ETV3L: variants seen among roughly 807,000 people sequenced by gnomAD.
ETV3L encodes ETS translocation variant 3-like protein.
A neutral mutation model predicts 27.6 loss-of-function variants in ETV3L; 30 were observed. The ratio of observed to expected loss-of-function variants is 1.09; its 90% CI spans 0.81 to 1.48. The LOEUF is 1.48. ETV3L is among the 40% of genes most tolerant of loss of function. The probability of loss-of-function intolerance (pLI) is 0.00; values close to 1 mark genes in which losing one functional copy is unlikely to be tolerated. For missense variants in ETV3L, 443 were observed against 455.6 expected, an observed-to-expected ratio of 0.97 and a Z score of 0.25; for synonymous variants, 186 against 188.9, an observed-to-expected ratio of 0.98 and a Z score of 0.12.
chr1:157,098,933 A>G (rs770638515), intron 2 of ETV3L, 38 bp from the exon 3 acceptor site: 5 of 1,579,392 alleles, frequency 3.2e-6, no homozygotes, highest in Non-Finnish European at 3.5e-6. Context: ...TTGGCCCAGC[A>G]GTCAGAGAAT....
intron 4 of ETV3L, among the ~76,000 whole-genome samples, chr1:157,096,226 T>G (rs575120292): frequency 4.6e-5 from 7 of 152,178 alleles, no homozygotes; most frequent in Non-Finnish European, 1.0e-4. Flanking sequence ...GTCAAGGAAG[T>G]CTTCCCTGAT....
In ETV3L at chr1:157,093,144, A is replaced by G; in HGVS notation, c.608-17T>C. On this transcript the variant is annotated splice_polypyrimidine_tract_variant and intron_variant, in intron 4 of 4. Coordinates refer to ENST00000454449, the MANE Select transcript of ETV3L (RefSeq NM_001004341.2). ...AGCCAAGTCCTAGAGAAAGAAAGAG[A>G]GAAAGGGTCAAGGGAGCCCAACCTC... The G allele has an allele frequency of 1.4e-6, 2 of 1,436,980 alleles. No homozygotes were observed. The highest frequency in any genetic ancestry group is 1.5e-5 in the South Asian group (1 of 65,930). 89.0% of individuals were successfully genotyped at this position (1,436,980 alleles called of 1,614,324 possible).
chr1:157,099,533 C>T lies in ETV3L; in HGVS notation c.-10G>A, dbSNP rs370224118. 206 of 1,604,828 alleles carry T rather than the reference C, an allele frequency of 1.3e-4. No individual in the cohort carries two copies. The highest frequency in any genetic ancestry group is 1.5e-4 in the Non-Finnish European group (175 of 1,175,868). On this transcript the variant is annotated 5_prime_UTR_variant, in exon 1 of 5. Transcript: ENST00000454449. ...AGCAGCTGCAGTGCATGGTCCACTC[C>T]GGCGAGATGGGCTGTGTCTGGGCCT...
At chr1:157,097,702 C>A (rs1452705722) in intron 4 of ETV3L, among the ~76,000 whole-genome samples, 166 bp downstream of exon 4, 1 of 152,172 alleles carries the variant, frequency 6.6e-6, no homozygotes, top group Non-Finnish European at 1.5e-5. Context: ...CATCTCTGAA[C>A]CCCCGCACTT....
In ETV3L at chr1:157,093,137, G is replaced by C. The variant is rs1007941312; in HGVS notation, c.608-10C>G. The C allele has an allele frequency of 3.5e-6, 5 of 1,440,002 alleles. No homozygotes were observed. The highest frequency in any genetic ancestry group is 5.8e-5 in the Admixed American group (2 of 34,586). The allele number at this position is 1,440,002 out of a possible 1,614,324, so 89.2% of individuals were successfully genotyped here. ...GGGGCAGAGCCAAGTCCTAGAGAAAGAAAGAGAGAAAGGGTCAAGGGAGCC... is the reference window on the plus strand; with the variant it reads ...GGGGCAGAGCCAAGTCCTAGAGAAACAAAGAGAGAAAGGGTCAAGGGAGCC... On this transcript the variant is annotated splice_polypyrimidine_tract_variant and intron_variant, in intron 4 of 4. Transcript: ENST00000454449.
rs1674306446 is a variant in ETV3L, at chr1:157,099,746, C to G, written c.-223G>C. ...AGGGAACCAGAGGCAGCAAGCTTCCCCATACCCAGACAGGGCCCAGCCCCC... is the reference window on the plus strand; with the variant it reads ...AGGGAACCAGAGGCAGCAAGCTTCCGCATACCCAGACAGGGCCCAGCCCCC... On this transcript the variant is annotated 5_prime_UTR_variant, in exon 1 of 5. Coordinates refer to ENST00000454449, the MANE Select transcript of ETV3L (RefSeq NM_001004341.2). 2 of 601,284 alleles carry G rather than the reference C, an allele frequency of 3.3e-6. No homozygotes were observed. Among genetic ancestry groups the G allele is most frequent in the African/African-American group, 1.9e-5 (1 of 53,890 alleles). The allele number at this position is 601,284 out of a possible 1,614,324, so 37.2% of individuals were successfully genotyped here.
At position 157,098,785 on chromosome 1, in the gene ETV3L, G is replaced by A. The variant is rs765556753; in HGVS notation, c.407C>T (p.Ala136Val). ...CAGCAGCAAGTGGGGGGATGGCGGCGCCCGCACTTCCCACAAAGGATAGTT... is the reference window on the plus strand; with the variant it reads ...CAGCAGCAAGTGGGGGGATGGCGGCACCCGCACTTCCCACAAAGGATAGTT... The part of the protein sequence containing the change: ...VVNYPLWEVR[A>V]PPSPHLLLGA... Residue 136 changes from alanine to valine, a missense_variant, in exon 3 of 5, where the codon GCG (alanine) becomes GTG (valine). Coordinates refer to ENST00000454449, the MANE Select transcript of ETV3L (RefSeq NM_001004341.2). 1.4e-5 allele frequency: 23 copies of A among 1,614,068 alleles called. No individual in the cohort carries two copies. In the South Asian group the frequency reaches 1.5e-4, roughly 11 times the overall value.
intron 4 of ETV3L, among the ~76,000 whole-genome samples, chr1:157,097,190 T>C (rs982667982): frequency 6.6e-6 from 1 of 151,896 alleles, no homozygotes; most frequent in African/African-American, 2.4e-5. Context: ...ATGCTATTTC[T>C]GACTGGGTGT....
rs16838078 is a variant in ETV3L at position 157,099,469 on chromosome 1, A to C, written c.55T>G (p.Ser19Ala). 72,757 of 1,613,674 alleles carry C rather than the reference A, an allele frequency of 0.045. 4,182 individuals carry two copies. Among genetic ancestry groups the C allele is most frequent in the African/African-American group, 0.27 (20,095 of 74,934 alleles). Residue 19 changes from serine to alanine, a missense_variant, in exon 1 of 5, where the codon TCA becomes GCA. Physicochemically the swap from Ser to Ala is moderately conservative, Grantham distance 99. Coordinates refer to ENST00000454449, the MANE Select transcript of ETV3L (RefSeq NM_001004341.2). The stretch of plus-strand genomic sequence containing the variant: ...TAGGCCCGGCCAAGAGGCTCACCTG[A>C]GATCCAGTTGCCGGGGTTGGCTGGG... ...GIPANPGNWI[S>A]GLAFPDWAYK...
chr1:157,098,200 G>A (rs561465015), intron 3 of ETV3L, among the ~76,000 whole-genome samples: 1 of 152,048 alleles, frequency 6.6e-6, no homozygotes, highest in Admixed American at 6.5e-5. Flanking sequence ...GGGTTCAAGC[G>A]ATTCTCCTGC....
Position 157,099,595 on chromosome 1 carries a change from A to G in ETV3L, c.-72T>C. Reference sequence around the variant, plus strand: ...TCACCACTTAAGAGGAAGGGAAGGAAGGAGGCAGAGGGGAGGACAGTGAAA... The same window carrying G: ...TCACCACTTAAGAGGAAGGGAAGGAGGGAGGCAGAGGGGAGGACAGTGAAA... On this transcript the variant is annotated 5_prime_UTR_variant, in exon 1 of 5. Transcript: ENST00000454449. The G allele has an allele frequency of 9.9e-6, 13 of 1,316,144 alleles. No individual in the cohort carries two copies. In the South Asian group the frequency reaches 1.4e-4, roughly 14 times the overall value. 81.5% of individuals were successfully genotyped at this position (1,316,144 alleles called of 1,614,324 possible).
rs142442117 is a variant in ETV3L at position 157,092,245 on chromosome 1, A to T, written c.*404T>A. The stretch of plus-strand genomic sequence containing the variant: ...TGGAGGGGTGAGAAAGGGACTGGAG[A>T]CCTTAGCCTGGAATGGGGAGATGGG... On this transcript the variant is annotated 3_prime_UTR_variant, in exon 5 of 5. Coordinates refer to ENST00000454449, the MANE Select transcript of ETV3L (RefSeq NM_001004341.2). The T allele has an allele frequency of 6.1e-6, 1 of 164,030 alleles. No individual in the cohort carries two copies. The highest frequency in any genetic ancestry group is 1.3e-5 in the Non-Finnish European group (1 of 75,472). 10.2% of individuals were successfully genotyped at this position (164,030 alleles called of 1,614,324 possible). A position where few individuals can be genotyped will look rare whatever the true frequency, so the allele number is the denominator to read the frequency against.
intron 4 of ETV3L, among the ~76,000 whole-genome samples, chr1:157,093,867 C>T (rs952952499): frequency 8.5e-5 from 13 of 152,106 alleles, no homozygotes; most frequent in African/African-American, 2.7e-4. Context: ...CTAGCCTAGG[C>T]GAGAGTGCCT....
chr1:157,099,659 G>T lies in ETV3L; in HGVS notation c.-136C>A. 1 of 725,744 alleles carries T rather than the reference G, an allele frequency of 1.4e-6. No homozygotes were observed. The highest frequency in any genetic ancestry group is 2.4e-5 in the Admixed American group (1 of 41,602). The allele number at this position is 725,744 out of a possible 1,614,324, so 45.0% of individuals were successfully genotyped here. ...TGGAGGGAAAGAAGGAAGGAAGGGA[G>T]AGGGTCAGGAAAGAAAGAGAGAAAA... On this transcript the variant is annotated 5_prime_UTR_variant, in exon 1 of 5. Coordinates refer to ENST00000454449, the MANE Select transcript of ETV3L (RefSeq NM_001004341.2).
rs1370545216 is a variant in ETV3L at position 157,098,316 on chromosome 1, G to A, written c.487-328C>T. On this transcript the variant is annotated intron_variant, in intron 3 of 4. Coordinates refer to ENST00000454449, the MANE Select transcript of ETV3L (RefSeq NM_001004341.2). ...TTGCCACGTTGTCCAGGCTGGTCTC[G>A]AACTCCTGACCTCAAATGATCCGTC... Among the ~76,000 whole-genome samples the A allele has an allele frequency of 7.2e-5, 11 of 151,974 alleles. 1 individual carries two copies. In the South Asian group the frequency reaches 1.0e-3, roughly 14 times the overall value.
Position 157,092,599 on chromosome 1 carries a change from A to C in ETV3L, c.*50T>G. 1 of 1,465,852 alleles carries C rather than the reference A, an allele frequency of 6.8e-7. No individual in the cohort carries two copies. Among genetic ancestry groups the C allele is most frequent in the East Asian group, 2.3e-5 (1 of 43,974 alleles). 90.8% of individuals were successfully genotyped at this position (1,465,852 alleles called of 1,614,324 possible). ...TAACCCAGAGGCGGTGGGCAAGAGG[A>C]GAGATGGACTTTGGAGGACTCCTCC... On this transcript the variant is annotated 3_prime_UTR_variant, in exon 5 of 5. Transcript: ENST00000454449.
rs774846719 is a variant in ETV3L, at chr1:157,092,698, G to C, written c.1037C>G (p.Ser346Cys). ...RLKTGEESLT[S>C]PNLENLKAVW... ...TGCTTTGAGGTTCTCCAGATTGGGG[G>C]AAGTAAGGCTTTCCTCCCCAGTTTT... Residue 346 changes from serine to cysteine, a missense_variant, in exon 5 of 5, where the codon TCC (serine) becomes TGC (cysteine). By Grantham distance (112) the Ser-to-Cys change is moderately radical. Coordinates refer to ENST00000454449, the MANE Select transcript of ETV3L (RefSeq NM_001004341.2). 2 of 1,613,836 alleles carry C rather than the reference G, an allele frequency of 1.2e-6. No individual in the cohort carries two copies. The highest frequency in any genetic ancestry group is 8.5e-7 in the Non-Finnish European group (1 of 1,179,794).
At position 157,093,043 on chromosome 1, in the gene ETV3L, G is replaced by A. The variant is rs148718240; in HGVS notation, c.692C>T (p.Ser231Phe). 1 of 1,574,422 alleles carries A rather than the reference G, an allele frequency of 6.4e-7. No individual in the cohort carries two copies. Among genetic ancestry groups the A allele is most frequent in the Non-Finnish European group, 8.6e-7 (1 of 1,160,282 alleles). The change falls in exon 5 of 5, where the codon TCC becomes TTC. Residue 231 changes from serine to phenylalanine, a missense_variant. Physicochemically the swap from Ser to Phe is radical, Grantham distance 155. Coordinates refer to ENST00000454449, the MANE Select transcript of ETV3L (RefSeq NM_001004341.2). Reference protein sequence around the residue: ...SVQGELPGVASFTPPLPPPLP... With the variant: ...SVQGELPGVAFFTPPLPPPLP... ...AGGGGGCGGGAGGGGAGGAGTGAAG[G>A]AGGCAACACCAGGCAGCTCGCCTTG...
Position 157,099,047 on chromosome 1 carries a change from C to T in ETV3L, c.296+94G>A. On this transcript the variant is annotated intron_variant, in intron 2 of 4. Coordinates refer to ENST00000454449, the MANE Select transcript of ETV3L (RefSeq NM_001004341.2). ...ACCACAGGCCAGGACACTTCCCAAG[C>T]CTTGGAGGGGTGGGAGTCAGCAGGG... The T allele has an allele frequency of 1.0e-5, 16 of 1,552,374 alleles. No individual in the cohort carries two copies. In the South Asian group the frequency reaches 1.3e-4, roughly 13 times the overall value.
Sources: gnomAD v4.1 joint callset for allele counts (sites outside exome capture counted in the v4.1 genomes callset) on GRCh38, gnomAD v4.1.1 for gene constraint, MANE v1.5 for transcripts, NCBI Gene and HGNC (gene_info 2026-07-23, HGNC 2026-07-21) for gene names.